Variants in DCC observed in about 807,000 individuals in gnomAD.
DCC encodes DCC netrin 1 receptor.
In DCC, 58 loss-of-function variants were observed where a neutral mutation model predicts 172.5. That is an observed-to-expected ratio of 0.34 (90% confidence interval 0.27 to 0.42). The LOEUF is 0.42. DCC is among the 10% of genes least tolerant of loss of function. The pLI is 1.00. For synonymous variants in DCC, 709 were observed against 644.5 expected (o/e 1.10, Z -1.52); for missense variants, 1,740 against 1,791.0 (o/e 0.97, Z 0.51).
At chr18:53,297,384 A>G (rs1017482050) in intron 12 of DCC, among the ~76,000 whole-genome samples, 3 of 152,202 alleles carry the variant, frequency 2.0e-5, no homozygotes, top group Admixed American at 2.0e-4. Context: ...AGAGGAAGCT[A>G]AATTTTATAG....
intron 1 of DCC, among the ~76,000 whole-genome samples, chr18:52,493,684 C>T (rs2030616471): frequency 6.6e-6 from 1 of 151,934 alleles, no homozygotes; most frequent in Non-Finnish European, 1.5e-5. Flanking sequence ...TTCGAGTTTT[C>T]TCCCTATTAA....
intron 28 of DCC, among the ~76,000 whole-genome samples, chr18:53,529,036 TCTCACACACACACACACACACACACACA>T (rs2046494559): frequency 2.1e-5 from 1 of 46,754 alleles, no homozygotes; most frequent in African/African-American, 8.5e-5. Context: ...TCTCTCTCTC[TCTCACACACACACACACACACACACACA>T]CACACACACA....
intron 19 of DCC, among the ~76,000 whole-genome samples, chr18:53,406,708 AAAAAAAAAGAAAG>A (rs1909676955): frequency 1.7e-5 from 2 of 118,260 alleles, no homozygotes; most frequent in Non-Finnish European, 2.1e-5. Context: ...TGTCTCAAAA[AAAAAAAAAGAAAG>A]AAAGAAAAAA....
At chr18:53,165,474 T>C (rs1268935604) in intron 8 of DCC, among the ~76,000 whole-genome samples, 1 of 152,158 alleles carries the variant, frequency 6.6e-6, no homozygotes, top group African/African-American at 2.4e-5. Context: ...GGGAACATAT[T>C]GTGATGGAAA....
In DCC at chr18:52,936,647, C is replaced by A. The variant is rs1568197798; in HGVS notation, c.985+11277C>A. ...TATAATTTTAATTATCCCTAACAAT[C>A]TAAGCAAGGTGAATTGACAATCTGT... On this transcript the variant is annotated intron_variant, in intron 5 of 28. Coordinates refer to ENST00000442544, the MANE Select transcript of DCC (RefSeq NM_005215.4). Among the ~76,000 whole-genome samples the A allele has an allele frequency of 3.5e-5, 2 of 57,130 alleles. 1 individual carries two copies. The highest frequency in any genetic ancestry group is 1.1e-4 in the Non-Finnish European group (2 of 19,032). 37.5% of individuals were successfully genotyped at this position (57,130 alleles called of 152,430 possible). A position where few individuals can be genotyped will look rare whatever the true frequency, so the allele number is the denominator to read the frequency against.
chr18:53,288,132 A>T (rs1386743553), intron 12 of DCC, among the ~76,000 whole-genome samples: 2 of 152,126 alleles, frequency 1.3e-5, no homozygotes, highest in Admixed American at 6.5e-5. Flanking sequence ...CTGTGTTTGG[A>T]GCAATTATTT....
intron 7 of DCC, among the ~76,000 whole-genome samples, chr18:53,073,105 T>C (rs1398626603): frequency 4.6e-5 from 7 of 152,216 alleles, no homozygotes; most frequent in Non-Finnish European, 1.0e-4. Flanking sequence ...CTTTTATTCA[T>C]TTGTCAAATA....
intron 25 of DCC, chr18:53,481,106 AAC>A (rs2045826726): frequency 6.6e-6 from 1 of 152,274 alleles, no homozygotes; most frequent in Middle Eastern, 3.4e-3. Flanking sequence ...GAGAGAGAAA[AAC>A]AGAGTGAGCA....
At chr18:53,364,063 TTCAA>T (rs2057976025) in intron 15 of DCC, among the ~76,000 whole-genome samples, 1 of 152,206 alleles carries the variant, frequency 6.6e-6, no homozygotes, top group Admixed American at 6.5e-5. Flanking sequence ...AAATCAGCAA[TTCAA>T]TCAATATGTA....
intron 1 of DCC, among the ~76,000 whole-genome samples, chr18:52,697,495 A>T (rs1215240550): frequency 6.6e-6 from 1 of 152,206 alleles, no homozygotes; most frequent in Non-Finnish European, 1.5e-5. Context: ...AGAACATCAT[A>T]ATAATGCCTA....
intron 1 of DCC, among the ~76,000 whole-genome samples, chr18:52,503,767 G>A (rs2031120806): frequency 1.3e-5 from 2 of 152,018 alleles, no homozygotes; most frequent in Non-Finnish European, 2.9e-5. Flanking sequence ...TTTCACCCAG[G>A]TTGGGTGTCT....
chr18:53,459,058 AG>A (rs2045517170), intron 23 of DCC, among the ~76,000 whole-genome samples, 173 bp from the exon 24 acceptor site: 2 of 152,170 alleles, frequency 1.3e-5, no homozygotes, highest in Admixed American at 6.5e-5. Context: ...GTGAAGCTCC[AG>A]GGGGGAAGAG....
At chr18:53,228,166 A>G (rs543142642) in intron 12 of DCC, among the ~76,000 whole-genome samples, 14 of 152,282 alleles carry the variant, frequency 9.2e-5, no homozygotes, top group African/African-American at 2.6e-4. Context: ...AAGAAAGGAA[A>G]ATACATTTGT....
At chr18:53,342,603 T>A (rs2057673049) in intron 15 of DCC, among the ~76,000 whole-genome samples, 1 of 150,782 alleles carries the variant, frequency 6.6e-6, no homozygotes, top group Non-Finnish European at 1.5e-5. Context: ...AGTATATCTT[T>A]ATAATTTCTC....
rs537174112 is a variant in DCC at position 52,704,317 on chromosome 18, A to T, written c.92-47737A>T. ...AACATGGATAGTCCATTTGTTTTTT[A>T]AAAAAAGAGAGAGAGATGGTGACAG... On this transcript the variant is annotated intron_variant, in intron 1 of 28. Transcript: ENST00000442544. 5.4e-4 allele frequency among the ~76,000 whole-genome samples: 82 copies of T among 152,148 alleles called. 1 individual carries two copies. The highest frequency in any genetic ancestry group is 1.8e-3 in the African/African-American group (75 of 41,480).
Position 52,941,502 on chromosome 18 carries a change from G to GTGTGTA in DCC, c.985+16133_985+16134insGTGTAT, listed in dbSNP as rs151312837. Among the ~76,000 whole-genome samples, 71 of 148,966 alleles carry GTGTGTA rather than the reference G, an allele frequency of 4.8e-4. 1 individual carries two copies. The highest frequency in any genetic ancestry group is 6.4e-4 in the Non-Finnish European group (43 of 67,094). On this transcript the variant is annotated intron_variant, in intron 5 of 28. Coordinates refer to ENST00000442544, the MANE Select transcript of DCC (RefSeq NM_005215.4). The stretch of plus-strand genomic sequence containing the variant: ...TATACATGTTTGTGTGTGTGTGTGT[G>GTGTGTA]TATATATATATATACACACTTGTAT...
intron 2 of DCC, among the ~76,000 whole-genome samples, chr18:52,836,795 G>T (rs1177659056): frequency 3.9e-5 from 6 of 152,160 alleles, no homozygotes; most frequent in African/African-American, 1.4e-4. Context: ...TCTTCTCATG[G>T]TTCCACTAGG....
intron 1 of DCC, among the ~76,000 whole-genome samples, chr18:52,529,076 C>T (rs1055546515): frequency 6.6e-6 from 1 of 152,090 alleles, no homozygotes; most frequent in Admixed American, 6.5e-5. Flanking sequence ...GACAATTAGA[C>T]GTAGGCCAAT....
chr18:52,835,954 T>C (rs564744527), intron 2 of DCC, among the ~76,000 whole-genome samples: 114 of 152,274 alleles, frequency 7.5e-4, no homozygotes, highest in African/African-American at 2.6e-3. Flanking sequence ...GACTGAGTAA[T>C]TTATAAAGGA....
Sources: allele counts gnomAD v4.1 joint callset (sites outside exome capture counted in the v4.1 genomes callset), GRCh38; gene constraint gnomAD v4.1.1; transcripts MANE v1.5; gene names NCBI Gene and HGNC (gene_info 2026-07-23, HGNC 2026-07-21).